Variants in MED19 observed in about 807,000 individuals in gnomAD.
MED19 encodes mediator of RNA polymerase II transcription subunit 19.
MED19 carries 4 observed loss-of-function variants against 19.9 expected under a neutral mutation model. The observed-to-expected ratio is 0.20, with a 90% CI of 0.10 to 0.46. The LOEUF is 0.46. Among genes scored for constraint, MED19 ranks in the 20% least tolerant of loss-of-function variants. MED19 has a pLI of 0.99. For missense variants in MED19, 303 were observed against 318.7 expected, an observed-to-expected ratio of 0.95 and a Z score of 0.38; for synonymous variants, 139 against 119.6, an observed-to-expected ratio of 1.16 and a Z score of -1.06.
In MED19 at chr11:57,704,295, A is replaced by C. The variant is rs1368305959; in HGVS notation, c.666+7T>G. On this transcript the variant is annotated splice_region_variant and intron_variant, in intron 4 of 4. Coordinates refer to ENST00000431606, the Ensembl canonical transcript of MED19. The stretch of plus-strand genomic sequence containing the variant: ...CACTGGGTTGTGGCAATAGGCCTCT[A>C]CTCTACCTTCTTTTTCTTCTTCTCT... 2 of 1,533,722 alleles carry C rather than the reference A, an allele frequency of 1.3e-6. No individual in the cohort carries two copies. The highest frequency in any genetic ancestry group is 1.7e-6 in the Non-Finnish European group (2 of 1,146,426).
Position 57,707,765 on chromosome 11 carries a change from C to T in MED19, c.218-2536G>A, listed in dbSNP as rs1308521867. On this transcript the variant is annotated intron_variant, in intron 1 of 4. Coordinates refer to ENST00000431606, the Ensembl canonical transcript of MED19. ...CTTAAGGCTCAGGTGAGAAGGCAGT[C>T]TGTGCTTTTTCTAAACTGTAACTTG... Among the ~76,000 whole-genome samples the T allele has an allele frequency of 2.6e-5, 4 of 152,342 alleles. No individual in the cohort carries two copies. In the South Asian group the frequency reaches 8.3e-4, roughly 32 times the overall value.
intron 1 of MED19, among the ~76,000 whole-genome samples, chr11:57,711,466 GC>G (rs1215738073): frequency 1.3e-5 from 2 of 152,100 alleles, no homozygotes; most frequent in Non-Finnish European, 2.9e-5. Flanking sequence ...CGATTCTCCC[GC>G]CTCAGCCTCC....
chr11:57,710,747 G>A (rs1946566382), intron 1 of MED19, among the ~76,000 whole-genome samples: 1 of 151,988 alleles, frequency 6.6e-6, no homozygotes, highest in Non-Finnish European at 1.5e-5. Flanking sequence ...CCAGGCTGGA[G>A]TGCAGTGGCA....
intron 1 of MED19, among the ~76,000 whole-genome samples, chr11:57,706,863 A>G (rs1946514386): frequency 6.6e-6 from 1 of 152,216 alleles, no homozygotes; most frequent in Admixed American, 6.5e-5. Flanking sequence ...TTACATACAC[A>G]TAATTTTCTC....
intron 1 of MED19, among the ~76,000 whole-genome samples, chr11:57,706,434 T>C (rs1340132307): frequency 6.6e-6 from 1 of 152,092 alleles, no homozygotes; most frequent in Non-Finnish European, 1.5e-5. Context: ...ATTACAGGTG[T>C]GAGCCACAGC....
At chr11:57,710,570 T>G (rs1946556359) in intron 1 of MED19, among the ~76,000 whole-genome samples, 1 of 152,238 alleles carries the variant, frequency 6.6e-6, no homozygotes, top group Non-Finnish European at 1.5e-5. Context: ...TCATTTCTTG[T>G]ATCTACAATT....
chr11:57,707,588 A>G (rs928360967), intron 1 of MED19, among the ~76,000 whole-genome samples: 4 of 152,042 alleles, frequency 2.6e-5, no homozygotes, highest in African/African-American at 9.7e-5. Flanking sequence ...CCTTCCCTTT[A>G]CTACCAAACA....
intron 1 of MED19, among the ~76,000 whole-genome samples, chr11:57,710,166 A>G (rs1420239627): frequency 1.3e-5 from 2 of 152,194 alleles, no homozygotes; most frequent in Non-Finnish European, 2.9e-5. Context: ...GTTCAAGACC[A>G]GCTTGCGCAA....
At chr11:57,704,888 C>G in intron 2 of MED19, 73 bp from the exon 3 acceptor site, 1 of 1,607,244 alleles carries the variant, frequency 6.2e-7, no homozygotes, top group South Asian at 1.1e-5. Context: ...CCATTCTGCT[C>G]CATTATGAAG....
intron 1 of MED19, 152 bp downstream of exon 1, chr11:57,711,811 G>C (rs1946621728): frequency 2.5e-6 from 2 of 784,730 alleles, no homozygotes; most frequent in East Asian, 3.3e-5. Context: ...CCCTCTGCTT[G>C]TGAATCCTAA....
intron 3 of MED19, 25 bp downstream of exon 3, chr11:57,704,694 T>TG: frequency 1.3e-6 from 2 of 1,487,044 alleles, no homozygotes; most frequent in Non-Finnish European, 1.8e-6. Context: ...TTTTTTTTTT[T>TG]GCTTTGAATA....
At chr11:57,705,410 G>C (rs1946497420) in intron 1 of MED19, among the ~76,000 whole-genome samples, 181 bp from the exon 2 acceptor site, 1 of 152,084 alleles carries the variant, frequency 6.6e-6, no homozygotes, top group African/African-American at 2.4e-5. Flanking sequence ...CCAGAACTTT[G>C]GGAGGCTGAG....
intron 1 of MED19, among the ~76,000 whole-genome samples, chr11:57,710,896 T>C (rs970981974): frequency 3.3e-5 from 5 of 152,192 alleles, no homozygotes; most frequent in African/African-American, 7.2e-5. Flanking sequence ...GGTCTCGCCA[T>C]GTTGCCCATG....
intron 1 of MED19, among the ~76,000 whole-genome samples, chr11:57,705,795 T>A (rs535486260): frequency 2.4e-4 from 36 of 152,218 alleles, no homozygotes; most frequent in African/African-American, 8.2e-4. Context: ...AAGGAGACAC[T>A]CCACTCTCTT....
rs541276351 is a variant in MED19, at chr11:57,710,503, A to G, written c.217+1460T>C. Among the ~76,000 whole-genome samples, 8 of 152,264 alleles carry G rather than the reference A, an allele frequency of 5.3e-5. No homozygotes were observed. In the South Asian group the frequency reaches 8.3e-4, roughly 16 times the overall value. Reference sequence around the variant, plus strand: ...CTTTTGTTCACTTCACTGGAGTCCAACTGATTTTCTGTCCCTCAGATATTC... The same window carrying G: ...CTTTTGTTCACTTCACTGGAGTCCAGCTGATTTTCTGTCCCTCAGATATTC... On this transcript the variant is annotated intron_variant, in intron 1 of 4. Coordinates refer to ENST00000431606, the Ensembl canonical transcript of MED19.
intron 1 of MED19, among the ~76,000 whole-genome samples, chr11:57,706,199 G>A (rs1946506083): frequency 6.6e-6 from 1 of 152,096 alleles, no homozygotes; most frequent in South Asian, 2.1e-4. Flanking sequence ...AGGCTGGAGT[G>A]CAGTGGGGTA....
intron 3 of MED19, 35 bp downstream of exon 3, chr11:57,704,684 T>TTTTTTTTTTTTTG: frequency 6.4e-7 from 1 of 1,569,912 alleles, no homozygotes. Context: ...TTTTTTTTTT[T>TTTTTTTTTTTTTG]TTTTTTTTTT....
chr11:57,707,450 C>G (rs1340073979), intron 1 of MED19, among the ~76,000 whole-genome samples: 1 of 152,142 alleles, frequency 6.6e-6, no homozygotes, highest in Non-Finnish European at 1.5e-5. Context: ...CTTGGAGGCA[C>G]AGACAATGTC....
In MED19 at chr11:57,712,207, G is replaced by T. The variant is rs552859478; in HGVS notation, c.-28C>A. On this transcript the variant is annotated 5_prime_UTR_variant, in exon 1 of 5. Coordinates refer to ENST00000431606, the Ensembl canonical transcript of MED19. Reference sequence around the variant, plus strand: ...TACCCTCCGCCCCGGCGCTGTCTCCGTGTCTGCCGTTGGTAATTTTCATTG... The same window carrying T: ...TACCCTCCGCCCCGGCGCTGTCTCCTTGTCTGCCGTTGGTAATTTTCATTG... The T allele has an allele frequency of 5.3e-5, 79 of 1,488,560 alleles. No individual in the cohort carries two copies. In the South Asian group the frequency reaches 9.2e-4, roughly 17 times the overall value. The allele number at this position is 1,488,560 out of a possible 1,614,324, so 92.2% of individuals were successfully genotyped here.
Sources: allele counts gnomAD v4.1 joint callset (sites outside exome capture counted in the v4.1 genomes callset), GRCh38; gene constraint gnomAD v4.1.1; transcripts MANE v1.5; gene names NCBI Gene and HGNC (gene_info 2026-07-23, HGNC 2026-07-21).